The following TPRG1 variants were observed in gnomAD, a reference collection of about 807,000 sequenced individuals.
TPRG1 encodes the protein tumor protein p63-regulated gene 1 protein.
TPRG1 carries 29 observed loss-of-function variants against 29.3 expected under a neutral mutation model. The observed-to-expected ratio is 0.99, with a 90% CI of 0.74 to 1.35. The LOEUF (loss-of-function observed/expected upper bound fraction) is 1.35, where lower values mean the gene tolerates loss of function less well. TPRG1 is among the 40% of genes most tolerant of loss of function. The pLI is 0.00. For synonymous variants in TPRG1, 130 were observed against 116.8 expected, an observed-to-expected ratio of 1.11 and a Z score of -0.73; for missense variants, 327 against 335.0, an observed-to-expected ratio of 0.98 and a Z score of 0.19.
At chr3:189,115,915 T>C (rs3846194) in intron 1 of TPRG1, among the ~76,000 whole-genome samples, 65,765 of 151,988 alleles carry the variant, frequency 0.43, 19,190 homozygotes, top group African/African-American at 0.82. Context: ...CAGGGAAATG[T>C]AAATCGAAAA....
intron 4 of TPRG1, among the ~76,000 whole-genome samples, chr3:189,050,472 C>A (rs988065069): frequency 1.3e-5 from 2 of 152,064 alleles, no homozygotes; most frequent in African/African-American, 4.8e-5. Flanking sequence ...AAATTCAGGA[C>A]CAGACAGATT....
chr3:189,234,528 C>A (rs762624088), intron 3 of TPRG1, among the ~76,000 whole-genome samples: 16 of 152,080 alleles, frequency 1.1e-4, no homozygotes, highest in Non-Finnish European at 2.1e-4. Flanking sequence ...TGAACATTTC[C>A]GCAATGTTAC....
intron 4 of TPRG1, among the ~76,000 whole-genome samples, chr3:189,268,256 C>T (rs1415158393): frequency 2.0e-5 from 3 of 152,172 alleles, no homozygotes; most frequent in Middle Eastern, 3.4e-3. Context: ...TTTTTGGGTG[C>T]GGTGCTGTCC....
At chr3:189,303,253 T>C (rs1011079366) in intron 4 of TPRG1, among the ~76,000 whole-genome samples, 1 of 152,216 alleles carries the variant, frequency 6.6e-6, no homozygotes, top group African/African-American at 2.4e-5. Flanking sequence ...AAAATAGCTA[T>C]TTTTAATATA....
intron 5 of TPRG1, chr3:189,315,767 T>C (rs760026860): frequency 1.9e-5 from 4 of 213,736 alleles, no homozygotes; most frequent in Non-Finnish European, 2.9e-5. Flanking sequence ...CATTACATGA[T>C]GAGCAATATT....
At chr3:189,155,967 G>T (rs1401900942) in intron 5 of TPRG1, among the ~76,000 whole-genome samples, 1 of 152,174 alleles carries the variant, frequency 6.6e-6, no homozygotes, top group African/African-American at 2.4e-5. Flanking sequence ...TTTGCTGAGA[G>T]AGTAGATGGT....
intron 1 of TPRG1, among the ~76,000 whole-genome samples, chr3:189,193,894 C>T (rs1018114669): frequency 6.8e-6 from 1 of 146,570 alleles, no homozygotes; most frequent in South Asian, 2.3e-4. Flanking sequence ...AATTCCTTTT[C>T]CTGGCGATTC....
intron 4 of TPRG1, among the ~76,000 whole-genome samples, chr3:189,049,381 C>T (rs1425133707): frequency 6.6e-6 from 1 of 152,072 alleles, no homozygotes; most frequent in Non-Finnish European, 1.5e-5. Context: ...TTGCTTTCCC[C>T]CACTTTCCTG....
chr3:189,162,086 G>A lies in TPRG1; in HGVS notation c.-10+11214G>A, dbSNP rs555864955. On this transcript the variant is annotated intron_variant, in intron 5 of 6. Transcript: ENST00000412373. ...TGGCTCATTGCAACCTCTGCTGCCC[G>A]GGTTCAGGTGATTCTCCTGCCTCAG... Among the ~76,000 whole-genome samples the A allele has an allele frequency of 8.5e-5, 13 of 152,160 alleles. No homozygotes were observed. In the South Asian group the frequency reaches 1.5e-3, roughly 17 times the overall value.
intron 1 of TPRG1, among the ~76,000 whole-genome samples, chr3:189,185,130 C>T (rs1730742681): frequency 6.6e-6 from 1 of 152,180 alleles, no homozygotes; most frequent in South Asian, 2.1e-4. Flanking sequence ...TGTAGTCCTT[C>T]TAAGAACCTT....
chr3:189,079,469 A>G (rs950244), intron 4 of TPRG1, among the ~76,000 whole-genome samples: 18,216 of 152,234 alleles, frequency 0.12, 1,451 homozygotes, highest in Non-Finnish European at 0.18. Flanking sequence ...TTTAACCTGC[A>G]CCCAGAATAG....
chr3:189,044,557 A>C (rs1164584313), intron 4 of TPRG1, among the ~76,000 whole-genome samples: 4 of 123,798 alleles, frequency 3.2e-5, no homozygotes, highest in Non-Finnish European at 4.9e-5. Flanking sequence ...CTCCGTCTCA[A>C]AAAAAAAAAA....
chr3:189,240,881 C>G (rs1740463673), intron 4 of TPRG1, among the ~76,000 whole-genome samples: 1 of 152,192 alleles, frequency 6.6e-6, no homozygotes, highest in Non-Finnish European at 1.5e-5. Context: ...TGTCCTGCCT[C>G]ATGCTATAAT....
chr3:189,104,002 G>T (rs565677485), intron 1 of TPRG1, among the ~76,000 whole-genome samples: 1 of 152,256 alleles, frequency 6.6e-6, no homozygotes, highest in Non-Finnish European at 1.5e-5. Flanking sequence ...AGGAAGAGGG[G>T]TTAGGTGAGA....
At chr3:189,221,963 C>T (rs1024405866) in intron 3 of TPRG1, among the ~76,000 whole-genome samples, 1 of 123,436 alleles carries the variant, frequency 8.1e-6, no homozygotes, top group African/African-American at 3.0e-5. Flanking sequence ...CTTTTGCTGC[C>T]TTTTGTGATT....
chr3:189,216,051 A>C (rs774867550), intron 3 of TPRG1, among the ~76,000 whole-genome samples: 4 of 152,156 alleles, frequency 2.6e-5, no homozygotes, highest in African/African-American at 7.2e-5. Flanking sequence ...CCATCTCTTT[A>C]CCCGCCAAGT....
intron 3 of TPRG1, among the ~76,000 whole-genome samples, chr3:189,139,144 A>C (rs1724181349): frequency 6.6e-6 from 1 of 152,216 alleles, no homozygotes. Flanking sequence ...GATCCTCACA[A>C]AGGAGGAGGA....
intron 4 of TPRG1, among the ~76,000 whole-genome samples, chr3:189,295,420 C>T (rs1719729564): frequency 7.2e-6 from 1 of 138,656 alleles, no homozygotes; most frequent in African/African-American, 2.8e-5. Context: ...TACATTATCT[C>T]TGTGGCTTTA....
intron 3 of TPRG1, among the ~76,000 whole-genome samples, chr3:189,139,897 T>C (rs1310930268): frequency 2.0e-5 from 3 of 152,174 alleles, no homozygotes; most frequent in Non-Finnish European, 4.4e-5. Flanking sequence ...TGTCTCTTGT[T>C]ACCACATTGT....
Sources: allele counts gnomAD v4.1 joint callset (sites outside exome capture counted in the v4.1 genomes callset), GRCh38; gene constraint gnomAD v4.1.1; transcripts MANE v1.5; gene names NCBI Gene and HGNC (gene_info 2026-07-23, HGNC 2026-07-21).